The following CREBBP variants were observed in gnomAD, a reference collection of about 807,000 sequenced individuals.
CREBBP encodes the protein CREB-binding protein.
A neutral mutation model predicts 265.0 loss-of-function variants in CREBBP; 19 were observed. The observed-to-expected ratio is 0.07, with a 90% CI of 0.05 to 0.11. The LOEUF is 0.11. Ranked by LOEUF, CREBBP falls within the 10% of genes least tolerant of loss-of-function variation. The pLI is 1.00. For synonymous variants in CREBBP, 1,457 were observed against 1,223.7 expected, an observed-to-expected ratio of 1.19 and a Z score of -3.98; for missense variants, 2,525 against 3,219.0, an observed-to-expected ratio of 0.78 and a Z score of 5.22.
chr16:3,791,462 G>C (rs760125842), intron 5 of CREBBP, among the ~76,000 whole-genome samples: 3 of 152,160 alleles, frequency 2.0e-5, no homozygotes, highest in Non-Finnish European at 4.4e-5. Flanking sequence ...GGGGACCATA[G>C]CTCCACGTAG....
intron 3 of CREBBP, among the ~76,000 whole-genome samples, chr16:3,804,747 T>A (rs1455201622): frequency 6.6e-6 from 1 of 152,234 alleles, no homozygotes; most frequent in African/African-American, 2.4e-5. Context: ...TTAGTAAGTA[T>A]GCAGCACATC....
intron 2 of CREBBP, among the ~76,000 whole-genome samples, chr16:3,820,106 A>G (rs1333036291): frequency 2.6e-5 from 4 of 152,260 alleles, no homozygotes; most frequent in African/African-American, 4.8e-5. Flanking sequence ...AGAAATATTT[A>G]TCATTTTCAA....
intron 1 of CREBBP, among the ~76,000 whole-genome samples, chr16:3,874,708 C>G (rs2055365128): frequency 6.6e-6 from 1 of 152,202 alleles, no homozygotes; most frequent in South Asian, 2.1e-4. Context: ...AGTGCCCAAT[C>G]AGGACACCAA....
chr16:3,735,456 C>T (rs995389263), intron 28 of CREBBP, among the ~76,000 whole-genome samples: 1 of 152,166 alleles, frequency 6.6e-6, no homozygotes, highest in African/African-American at 2.4e-5. Flanking sequence ...CCTCCCACAA[C>T]CGGCTAAATT....
At chr16:3,818,941 C>A (rs2054091306) in intron 2 of CREBBP, among the ~76,000 whole-genome samples, 1 of 152,234 alleles carries the variant, frequency 6.6e-6, no homozygotes. Context: ...CAGACGCTCC[C>A]CACAGCCCCC....
intron 19 of CREBBP, among the ~76,000 whole-genome samples, chr16:3,754,350 T>C (rs2052541308): frequency 6.6e-6 from 1 of 152,242 alleles, no homozygotes; most frequent in Admixed American, 6.5e-5. Flanking sequence ...ATTGCCAGAC[T>C]GCCCCTACCT....
Position 3,728,874 on chromosome 16 carries a change from G to A in CREBBP, c.6173C>T (p.Pro2058Leu), listed in dbSNP as rs1270749985. Residue 2058 changes from proline to leucine, a missense_variant, in exon 31 of 31, where the codon CCA becomes CTA. Physicochemically the swap from Pro to Leu is moderately conservative, Grantham distance 98 (BLOSUM62 -3). Transcript: ENST00000262367. This position sits in a 1 kb window ranked among gnomAD's most constrained non-coding sequence, Gnocchi z 8.7. ...VAGPRMPSVQ[P>L]PRSISPSALQ... Reference sequence around the variant, plus strand: ...AGCGCTGGGTGAGATGCTCCTGGGTGGCTGCACGCTGGGCATCCGGGGCCC... The same window carrying A: ...AGCGCTGGGTGAGATGCTCCTGGGTAGCTGCACGCTGGGCATCCGGGGCCC... The A allele has an allele frequency of 1.2e-6, 2 of 1,612,114 alleles. No individual in the cohort carries two copies. Among genetic ancestry groups the A allele is most frequent in the Non-Finnish European group, 8.5e-7 (1 of 1,179,856 alleles).
intron 5 of CREBBP, among the ~76,000 whole-genome samples, chr16:3,783,288 T>C (rs1475689436): frequency 6.6e-6 from 1 of 152,182 alleles, no homozygotes; most frequent in Non-Finnish European, 1.5e-5. Context: ...CGTCTGATTC[T>C]CTGGGGACCA....
chr16:3,820,176 A>T (rs1189598799), intron 2 of CREBBP, among the ~76,000 whole-genome samples: 2 of 152,238 alleles, frequency 1.3e-5, no homozygotes, highest in Non-Finnish European at 2.9e-5. Context: ...AGCCAAAAGC[A>T]TTTTCTCTTG....
chr16:3,825,310 T>C (rs893482659), intron 2 of CREBBP, among the ~76,000 whole-genome samples: 6 of 152,224 alleles, frequency 3.9e-5, no homozygotes, highest in Non-Finnish European at 8.8e-5. Flanking sequence ...AAGTTTTTAC[T>C]TAGTAAATAA....
At chr16:3,785,077 A>G (rs2053354829) in intron 5 of CREBBP, among the ~76,000 whole-genome samples, 1 of 152,226 alleles carries the variant, frequency 6.6e-6, no homozygotes. Flanking sequence ...AAATGATGCT[A>G]TTACATGAAA....
intron 28 of CREBBP, among the ~76,000 whole-genome samples, 191 bp from the exon 29 acceptor site, chr16:3,732,128 G>A (rs370335413): frequency 6.6e-6 from 1 of 152,194 alleles, no homozygotes; most frequent in Non-Finnish European, 1.5e-5. Context: ...GCCTGTCCTC[G>A]GCCAGGCTGG....
chr16:3,811,916 TG>T (rs2053945685), intron 2 of CREBBP, among the ~76,000 whole-genome samples: 1 of 152,172 alleles, frequency 6.6e-6, no homozygotes, highest in Non-Finnish European at 1.5e-5. Context: ...GTAAGGCTTC[TG>T]ATCAACAGCA....
At chr16:3,757,251 C>A (rs2151381578) in intron 19 of CREBBP, 37 bp downstream of exon 19, 2 of 1,506,544 alleles carry the variant, frequency 1.3e-6, no homozygotes, top group Non-Finnish European at 1.8e-6. Flanking sequence ...ACGTGCCTTG[C>A]CCTAAGACAT....
At chr16:3,812,376 A>G (rs1448304380) in intron 2 of CREBBP, among the ~76,000 whole-genome samples, 1 of 151,884 alleles carries the variant, frequency 6.6e-6, no homozygotes, top group Non-Finnish European at 1.5e-5. Context: ...ACAAAGTTTC[A>G]TCATGTTGGC....
At chr16:3,860,752 G>A (rs569111926) in intron 1 of CREBBP, among the ~76,000 whole-genome samples, 10 of 151,948 alleles carry the variant, frequency 6.6e-5, no homozygotes, top group Non-Finnish European at 1.3e-4. Flanking sequence ...CTAGAGATGA[G>A]GAATCTAGAG....
At chr16:3,745,224 C>T (rs1411817199) in intron 22 of CREBBP, 53 bp downstream of exon 22, 2 of 1,522,656 alleles carry the variant, frequency 1.3e-6, no homozygotes, top group African/African-American at 2.8e-5. Flanking sequence ...CTGCAACTGC[C>T]CCGCCACTGG....
At chr16:3,789,867 C>A (rs130028) in intron 5 of CREBBP, among the ~76,000 whole-genome samples, 12,265 of 151,366 alleles carry the variant, frequency 0.081, 1,370 homozygotes, top group African/African-American at 0.25. Flanking sequence ...ACACTCAGGC[C>A]GTTATAAGGA....
At chr16:3,764,260 C>T (rs970049431) in intron 16 of CREBBP, among the ~76,000 whole-genome samples, 1 of 151,954 alleles carries the variant, frequency 6.6e-6, no homozygotes, top group African/African-American at 2.4e-5. Flanking sequence ...GCATGAGCCA[C>T]TGCTCCCAGC....
Sources: allele counts gnomAD v4.1 joint callset (sites outside exome capture counted in the v4.1 genomes callset), GRCh38; gene constraint gnomAD v4.1.1; non-coding constraint Gnocchi (gnomAD v3.1); transcripts MANE v1.5; gene names NCBI Gene and HGNC (gene_info 2026-07-23, HGNC 2026-07-21).